PDE4B: variants seen among roughly 807,000 people sequenced by gnomAD.
PDE4B encodes phosphodiesterase 4B.
PDE4B carries 20 observed loss-of-function variants against 82.2 expected under a neutral mutation model. The observed-to-expected ratio is 0.24, with a 90% CI of 0.17 to 0.35. The LOEUF (loss-of-function observed/expected upper bound fraction) is 0.35, where lower values mean the gene tolerates loss of function less well. Among genes scored for constraint, PDE4B ranks in the 10% least tolerant of loss-of-function variants. The pLI is 1.00. For missense variants in PDE4B, 655 were observed against 907.2 expected (o/e 0.72, Z 3.57); for synonymous variants, 320 against 318.9 (o/e 1.00, Z -0.04).
chr1:66,161,442 C>CCCTAATT lies in PDE4B; in HGVS notation c.282-86018_282-86017insCCTAATT, dbSNP rs1646611404. 2.0e-5 allele frequency among the ~76,000 whole-genome samples: 3 copies of CCCTAATT among 152,134 alleles called. No individual in the cohort carries two copies. The South Asian group carries it at 6.2e-4, about 32-fold the overall frequency. On this transcript the variant is annotated intron_variant, in intron 3 of 16. Transcript: ENST00000341517. ...CCCTAAATGCATTTCTGGTTTAATA[C>CCCTAATT]TCAATTCTTTGTAAAAGAAAATTGG... is the stretch of plus-strand genomic sequence containing the variant.
chr1:66,096,372 C>T (rs555470934), intron 3 of PDE4B, among the ~76,000 whole-genome samples: 42 of 151,062 alleles, frequency 2.8e-4, no homozygotes, highest in Admixed American at 1.1e-3. Context: ...CTATGAGTTT[C>T]GACAAATGCA....
In PDE4B at chr1:66,262,494, C is replaced by G. The variant is rs544355937; in HGVS notation, c.585-3544C>G. On this transcript the variant is annotated intron_variant, in intron 6 of 16. Coordinates refer to ENST00000341517, the MANE Select transcript of PDE4B (RefSeq NM_002600.4). ...GCTATTCAGGGCTGGAAAGTATGAACTGCTATGGCCATATTATCTTCCCTA... is the reference window on the plus strand; with the variant it reads ...GCTATTCAGGGCTGGAAAGTATGAAGTGCTATGGCCATATTATCTTCCCTA... 9.2e-5 allele frequency among the ~76,000 whole-genome samples: 14 copies of G among 152,326 alleles called. No individual in the cohort carries two copies. In the South Asian group the frequency reaches 2.7e-3, roughly 29 times the overall value.
chr1:66,363,639 TA>T, intron 12 of PDE4B, 68 bp downstream of exon 12: 3 of 1,302,004 alleles, frequency 2.3e-6, no homozygotes, highest in Non-Finnish European at 3.3e-6. Context: ...CAGCTGGATG[TA>T]GTAGCATGTG....
chr1:65,946,400 C>T (rs970075551), intron 3 of PDE4B, among the ~76,000 whole-genome samples: 1 of 151,916 alleles, frequency 6.6e-6, no homozygotes, highest in African/African-American at 2.4e-5. Flanking sequence ...GCTTCTATGG[C>T]ATAAATATGT....
chr1:66,152,556 A>T (rs892610751), intron 3 of PDE4B: 5 of 280,736 alleles, frequency 1.8e-5, no homozygotes, highest in East Asian at 8.6e-5. Flanking sequence ...CATATATATA[A>T]AATATATATA....
At chr1:65,977,498 G>T (rs1650470800) in intron 3 of PDE4B, among the ~76,000 whole-genome samples, 1 of 152,132 alleles carries the variant, frequency 6.6e-6, no homozygotes, top group African/African-American at 2.4e-5. Flanking sequence ...ATTACTTGAA[G>T]CATTACCTGA....
At chr1:65,808,947 A>G (rs943750671) in intron 1 of PDE4B, among the ~76,000 whole-genome samples, 2 of 152,166 alleles carry the variant, frequency 1.3e-5, no homozygotes, top group African/African-American at 4.8e-5. Context: ...TCAGGCTTTT[A>G]CAATATGTTT....
chr1:66,289,168 T>A (rs1329200139), intron 7 of PDE4B, among the ~76,000 whole-genome samples: 1 of 152,118 alleles, frequency 6.6e-6, no homozygotes, highest in African/African-American at 2.4e-5. Flanking sequence ...CTCAGGAGGC[T>A]GAGGCAGGAG....
chr1:65,802,077 T>C lies in PDE4B; in HGVS notation c.-71+8829T>C, dbSNP rs141474905. The stretch of plus-strand genomic sequence containing the variant: ...TGATAAGAGAAAAAGAAGGATTCAA[T>C]TGGGATATGTTGATAATATTATAGC... On this transcript the variant is annotated intron_variant, in intron 1 of 16. Coordinates refer to ENST00000341517, the MANE Select transcript of PDE4B (RefSeq NM_002600.4). Among the ~76,000 whole-genome samples, 362 of 152,330 alleles carry C rather than the reference T, an allele frequency of 2.4e-3. 4 individuals are homozygous for C. Among genetic ancestry groups the C allele is most frequent in the African/African-American group, 7.6e-3 (317 of 41,574 alleles).
At chr1:66,191,111 A>G (rs1048726255) in intron 3 of PDE4B, among the ~76,000 whole-genome samples, 1 of 152,198 alleles carries the variant, frequency 6.6e-6, no homozygotes, top group Non-Finnish European at 1.5e-5. Context: ...ACCTTACCAT[A>G]TAATCTTTTG....
chr1:65,996,633 C>A (rs1002346350), intron 3 of PDE4B, among the ~76,000 whole-genome samples: 1 of 152,072 alleles, frequency 6.6e-6, no homozygotes, highest in African/African-American at 2.4e-5. Flanking sequence ...TTCAATATTA[C>A]CTGCTGCAGA....
intron 3 of PDE4B, among the ~76,000 whole-genome samples, chr1:66,056,482 TATC>T (rs776800123): frequency 0.029 from 4,151 of 143,478 alleles, 79 homozygotes; most frequent in African/African-American, 0.047. Flanking sequence ...TCTATCTATC[TATC>T]ATCTATCTAT....
chr1:66,221,804 T>C (rs1425404886), intron 3 of PDE4B, among the ~76,000 whole-genome samples: 1 of 152,228 alleles, frequency 6.6e-6, no homozygotes, highest in African/African-American at 2.4e-5. Flanking sequence ...TATCTTTCTT[T>C]GTTCCCTTTG....
chr1:65,871,901 T>C (rs199709667), intron 1 of PDE4B, among the ~76,000 whole-genome samples: 1 of 152,344 alleles, frequency 6.6e-6, no homozygotes, highest in East Asian at 1.9e-4. Context: ...TTTTCAACTC[T>C]TGAATACAAT....
intron 3 of PDE4B, among the ~76,000 whole-genome samples, chr1:66,111,247 A>G (rs1314318442): frequency 1.3e-5 from 2 of 152,038 alleles, no homozygotes; most frequent in Non-Finnish European, 2.9e-5. Flanking sequence ...GAACTGACAT[A>G]TTTTCTTATT....
chr1:66,257,875 C>CT lies in PDE4B; in HGVS notation c.584+18dup. 6.2e-7 allele frequency: 1 copy of CT among 1,601,394 alleles called. No individual in the cohort carries two copies. The highest frequency in any genetic ancestry group is 8.6e-7 in the Non-Finnish European group (1 of 1,168,984). On this transcript the variant is annotated intron_variant, in intron 6 of 16. Coordinates refer to ENST00000341517, the MANE Select transcript of PDE4B (RefSeq NM_002600.4). ...GGTACATCTAACAAGTAAGGATTGA[C>CT]TTTTTTGTGGAGTTTGAATCCCTAA...
At chr1:66,158,289 A>C (rs1289546144) in intron 3 of PDE4B, among the ~76,000 whole-genome samples, 2 of 152,238 alleles carry the variant, frequency 1.3e-5, no homozygotes, top group African/African-American at 4.8e-5. Context: ...GGATGAGAAA[A>C]GGTAACTTGC....
At chr1:66,032,580 C>G (rs1449902810) in intron 3 of PDE4B, among the ~76,000 whole-genome samples, 2 of 151,678 alleles carry the variant, frequency 1.3e-5, no homozygotes, top group Non-Finnish European at 1.5e-5. Flanking sequence ...TTCCCATGTG[C>G]AAATAGACTT....
chr1:65,992,885 A>C (rs1651321145), intron 3 of PDE4B: 1 of 1,607,824 alleles, frequency 6.2e-7, no homozygotes, highest in Admixed American at 1.7e-5. Flanking sequence ...TGGATGGTGA[A>C]AGCTAGCACT....
Sources: allele counts gnomAD v4.1 joint callset (sites outside exome capture counted in the v4.1 genomes callset), GRCh38; gene constraint gnomAD v4.1.1; transcripts MANE v1.5; gene names NCBI Gene and HGNC (gene_info 2026-07-23, HGNC 2026-07-21).